The following KCNU1 variants were observed in gnomAD, a reference collection of about 807,000 sequenced individuals.
The protein encoded by KCNU1 is potassium channel subfamily U member 1.
Under a neutral mutation model 126.8 loss-of-function variants are expected in KCNU1, and 93 were observed. That is an observed-to-expected ratio of 0.73 (90% CI 0.62 to 0.87). The LOEUF is 0.87. Ranked by LOEUF, KCNU1 falls within the 40% of genes least tolerant of loss-of-function variation. The probability of loss-of-function intolerance (pLI) is 0.00; values close to 1 mark genes in which losing one functional copy is unlikely to be tolerated. For missense variants in KCNU1, 1,330 were observed against 1,367.1 expected (o/e 0.97, Z 0.43); for synonymous variants, 523 against 494.2 (o/e 1.06, Z -0.77).
rs35502970 is a variant in KCNU1 at position 36,851,387 on chromosome 8, A to ATCTCTCTC, written c.1891+5506_1891+5513dup. ...TGGCACTTCCCTTCTCTCTCTCTCT[A>ATCTCTCTC]TCTCTCTCTCTCTCTCTCTCTCTCT... On this transcript the variant is annotated intron_variant, in intron 18 of 26. Coordinates refer to ENST00000399881, the MANE Select transcript of KCNU1 (RefSeq NM_001031836.3). Among the ~76,000 whole-genome samples, 19 of 120,066 alleles carry ATCTCTCTC rather than the reference A, an allele frequency of 1.6e-4. 1 individual carries two copies. The highest frequency in any genetic ancestry group is 5.1e-4 in the African/African-American group (18 of 34,996). The allele number at this position is 120,066 out of a possible 152,430, so 78.8% of individuals were successfully genotyped here.
At chr8:36,901,866 G>T (rs1807432525) in intron 19 of KCNU1, among the ~76,000 whole-genome samples, 1 of 152,204 alleles carries the variant, frequency 6.6e-6, no homozygotes, top group South Asian at 2.1e-4. Context: ...CCTCCACCTT[G>T]GTCAGGCTTT....
chr8:36,892,620 G>A (rs1035084092), intron 19 of KCNU1, among the ~76,000 whole-genome samples: 5 of 151,602 alleles, frequency 3.3e-5, no homozygotes, highest in Admixed American at 6.6e-5. Flanking sequence ...ATGGTTTATT[G>A]TATATTGACA....
chr8:36,894,207 A>G (rs1807090341), intron 19 of KCNU1, among the ~76,000 whole-genome samples: 1 of 152,162 alleles, frequency 6.6e-6, no homozygotes, highest in South Asian at 2.1e-4. Context: ...AATTTCAATG[A>G]AAGTATACTG....
At chr8:36,820,772 G>C (rs1026547815) in intron 10 of KCNU1, among the ~76,000 whole-genome samples, 1 of 152,044 alleles carries the variant, frequency 6.6e-6, no homozygotes, top group Non-Finnish European at 1.5e-5. Flanking sequence ...TTGACTTCAA[G>C]GTCAAAATTG....
chr8:36,924,425 C>T (rs1808468213), intron 24 of KCNU1, among the ~76,000 whole-genome samples: 1 of 152,222 alleles, frequency 6.6e-6, no homozygotes, highest in African/African-American at 2.4e-5. Context: ...TCCCTGACAT[C>T]AATGCCATTC....
intron 19 of KCNU1, among the ~76,000 whole-genome samples, chr8:36,899,244 T>TG (rs1171020084): frequency 6.6e-6 from 1 of 151,976 alleles, no homozygotes; most frequent in Non-Finnish European, 1.5e-5. Flanking sequence ...TCACCTGGGC[T>TG]GGGGCCACTC....
chr8:36,862,540 C>G (rs184513301), intron 18 of KCNU1, among the ~76,000 whole-genome samples: 2 of 152,292 alleles, frequency 1.3e-5, no homozygotes, highest in East Asian at 1.9e-4. Flanking sequence ...TCAGCAATCC[C>G]CATACAAGCT....
chr8:36,792,598 A>C (rs180951396), intron 2 of KCNU1, among the ~76,000 whole-genome samples: 2 of 152,268 alleles, frequency 1.3e-5, no homozygotes, highest in East Asian at 3.9e-4. Flanking sequence ...CCATTTCACA[A>C]TCCGTTTTTC....
intron 19 of KCNU1, among the ~76,000 whole-genome samples, chr8:36,889,585 A>C (rs1367279846): frequency 1.3e-5 from 2 of 152,188 alleles, no homozygotes; most frequent in Non-Finnish European, 2.9e-5. Flanking sequence ...AACTGATATA[A>C]AAGGGCATAA....
intron 6 of KCNU1, among the ~76,000 whole-genome samples, chr8:36,808,503 T>C (rs1027797207): frequency 6.6e-6 from 1 of 152,078 alleles, no homozygotes; most frequent in African/African-American, 2.4e-5. Flanking sequence ...TCTCAACCTC[T>C]AATGTGTATA....
chr8:36,890,910 T>C (rs934239083), intron 19 of KCNU1, among the ~76,000 whole-genome samples: 2 of 150,618 alleles, frequency 1.3e-5, no homozygotes, highest in Non-Finnish European at 1.5e-5. Context: ...ATGCCGTTAT[T>C]TTCCATCCTT....
intron 8 of KCNU1, among the ~76,000 whole-genome samples, chr8:36,814,951 G>A (rs1310445714): frequency 1.3e-5 from 2 of 151,786 alleles, no homozygotes. Flanking sequence ...TTCAGTCATT[G>A]TCTCTTAACC....
intron 19 of KCNU1, among the ~76,000 whole-genome samples, chr8:36,885,215 G>C (rs1239987949): frequency 6.6e-6 from 1 of 152,144 alleles, no homozygotes; most frequent in East Asian, 1.9e-4. Flanking sequence ...CCTAGAAAAA[G>C]TCCCTCAGAG....
intron 18 of KCNU1, among the ~76,000 whole-genome samples, chr8:36,847,121 G>C (rs1340869902): frequency 2.0e-5 from 3 of 152,104 alleles, no homozygotes; most frequent in South Asian, 4.2e-4. Flanking sequence ...TTTGGGTCAG[G>C]CTCTATCATT....
intron 19 of KCNU1, among the ~76,000 whole-genome samples, chr8:36,889,887 G>T (rs1001645760): frequency 3.9e-5 from 6 of 152,072 alleles, no homozygotes; most frequent in Admixed American, 3.3e-4. Context: ...AAGTCATCTT[G>T]CCCATGGAGA....
At chr8:36,855,701 G>T (rs535319586) in intron 18 of KCNU1, among the ~76,000 whole-genome samples, 13 of 151,694 alleles carry the variant, frequency 8.6e-5, no homozygotes, top group Non-Finnish European at 1.5e-4. Flanking sequence ...CACAAGTTTT[G>T]CCAGTTTATT....
chr8:36,850,704 G>T (rs1392247449), intron 18 of KCNU1, among the ~76,000 whole-genome samples: 1 of 152,176 alleles, frequency 6.6e-6, no homozygotes, highest in Non-Finnish European at 1.5e-5. Flanking sequence ...TGAGCCACCT[G>T]CCTCAATCTC....
At chr8:36,918,293 G>C (rs1461040417) in intron 22 of KCNU1, among the ~76,000 whole-genome samples, 1 of 152,036 alleles carries the variant, frequency 6.6e-6, no homozygotes, top group Non-Finnish European at 1.5e-5. Context: ...TGTAATCCCA[G>C]CACTTCAGGA....
At chr8:36,922,844 C>A in intron 24 of KCNU1, 1 of 604,228 alleles carries the variant, frequency 1.7e-6, no homozygotes, top group Non-Finnish European at 2.9e-6. Context: ...AAACTTGAGG[C>A]CCTTGCAGCC....
Sources: allele counts gnomAD v4.1 joint callset (sites outside exome capture counted in the v4.1 genomes callset), GRCh38; gene constraint gnomAD v4.1.1; transcripts MANE v1.5; gene names NCBI Gene and HGNC (gene_info 2026-07-23, HGNC 2026-07-21).